The following SMC3 variants were observed in gnomAD, a reference collection of about 807,000 sequenced individuals.
The protein encoded by SMC3 is structural maintenance of chromosomes 3.
In SMC3, 20 loss-of-function variants were observed where a neutral mutation model predicts 171.8. The ratio of observed to expected loss-of-function variants is 0.12; its 90% CI spans 0.08 to 0.17. The LOEUF (loss-of-function observed/expected upper bound fraction) is 0.17, where lower values mean the gene tolerates loss of function less well. Among genes scored for constraint, SMC3 ranks in the 10% least tolerant of loss-of-function variants. The pLI is 1.00. For synonymous variants in SMC3, 464 were observed against 451.1 expected (o/e 1.03, Z -0.36); for missense variants, 543 against 1,420.4 (o/e 0.38, Z 9.93).
Position 110,599,640 on chromosome 10 carries a change from A to G in SMC3, c.2269-14A>G, listed in dbSNP as rs755332346. 1.2e-6 allele frequency: 2 copies of G among 1,611,316 alleles called. No individual in the cohort carries two copies. Among genetic ancestry groups the G allele is most frequent in the South Asian group, 2.2e-5 (2 of 90,872 alleles). On this transcript the variant is annotated splice_polypyrimidine_tract_variant and intron_variant, in intron 20 of 28. Coordinates refer to ENST00000361804, the MANE Select transcript of SMC3 (RefSeq NM_005445.4). Reference sequence around the variant, plus strand: ...TGGCTAATACCTTACTAATAAATGGATAATGTCATATAGCAACGTAGCTTA... The same window carrying G: ...TGGCTAATACCTTACTAATAAATGGGTAATGTCATATAGCAACGTAGCTTA...
At chr10:110,590,358 A>G (rs562695328) in intron 15 of SMC3, 54 bp from the exon 16 acceptor site, 1 of 1,445,660 alleles carries the variant, frequency 6.9e-7, no homozygotes, top group Non-Finnish European at 9.7e-7. Flanking sequence ...ATTCCTTACC[A>G]GGAGTGCCAT....
chr10:110,577,974 T>C (rs1860977973), intron 6 of SMC3, 60 bp downstream of exon 6: 1 of 1,171,170 alleles, frequency 8.5e-7, no homozygotes, highest in Non-Finnish European at 1.3e-6. Context: ...GATGGGGTAT[T>C]GCTGTGTTGG....
chr10:110,572,428 A>G (rs1368889618), intron 2 of SMC3, among the ~76,000 whole-genome samples: 1 of 152,148 alleles, frequency 6.6e-6, no homozygotes, highest in African/African-American at 2.4e-5. Flanking sequence ...ATGCTTCTTT[A>G]GTCTCCTTTA....
chr10:110,592,244 A>T (rs1035799703), intron 17 of SMC3, among the ~76,000 whole-genome samples: 2 of 146,436 alleles, frequency 1.4e-5, no homozygotes, highest in African/African-American at 5.0e-5. Context: ...CATCCTGGCA[A>T]CAGAGCAAGA....
chr10:110,582,516 G>T, intron 9 of SMC3, 46 bp from the exon 10 acceptor site: 1 of 1,313,184 alleles, frequency 7.6e-7, no homozygotes, highest in Non-Finnish European at 1.1e-6. Flanking sequence ...GAAATATTTA[G>T]TAATTACAAA....
At chr10:110,573,093 G>C (rs1043237634) in intron 2 of SMC3, among the ~76,000 whole-genome samples, 41 of 152,082 alleles carry the variant, frequency 2.7e-4, no homozygotes, top group African/African-American at 9.7e-4. Context: ...GATATTTCTG[G>C]CTCAAGAGTG....
intron 9 of SMC3, 112 bp downstream of exon 9, chr10:110,582,210 A>C (rs1276195967): frequency 6.9e-6 from 7 of 1,007,714 alleles, no homozygotes; most frequent in Non-Finnish European, 1.1e-5. Flanking sequence ...ACTTAAAAAA[A>C]ACCTCTCAAT....
At chr10:110,594,357 A>G (rs1480474822) in intron 18 of SMC3, among the ~76,000 whole-genome samples, 1 of 152,020 alleles carries the variant, frequency 6.6e-6, no homozygotes, top group African/African-American at 2.4e-5. Context: ...TATTCAAAAA[A>G]CAAGATAGTA....
chr10:110,597,521 A>G (rs1328647094), intron 19 of SMC3, among the ~76,000 whole-genome samples: 8 of 152,228 alleles, frequency 5.3e-5, no homozygotes, highest in African/African-American at 1.7e-4. Context: ...GCAGATTTAT[A>G]ACTTCTGTGC....
intron 18 of SMC3, 113 bp downstream of exon 18, chr10:110,593,336 C>T (rs1861237373): frequency 1.8e-6 from 2 of 1,094,744 alleles, no homozygotes; most frequent in East Asian, 2.6e-5. Context: ...CTTTGGGAGG[C>T]TGAGGCGGGT....
intron 1 of SMC3, among the ~76,000 whole-genome samples, chr10:110,568,115 G>T (rs1212869119): frequency 6.6e-6 from 1 of 152,024 alleles, no homozygotes; most frequent in South Asian, 2.1e-4. Context: ...GCGGGCCGCT[G>T]GGAGGGACTG....
At chr10:110,568,767 C>CTTTT (rs35132779) in intron 1 of SMC3, among the ~76,000 whole-genome samples, 171 bp from the exon 2 acceptor site, 50 of 143,212 alleles carry the variant, frequency 3.5e-4, no homozygotes, top group African/African-American at 1.2e-3. Flanking sequence ...ATAAAAGTAC[C>CTTTT]TTTTTTTTTT....
rs1055005823 is a variant in SMC3 at position 110,589,726 on chromosome 10, T to C, written c.1409+18T>C. The C allele has an allele frequency of 1.3e-6, 2 of 1,486,356 alleles. No individual in the cohort carries two copies. The highest frequency in any genetic ancestry group is 1.4e-5 in the African/African-American group (1 of 72,240). 92.1% of individuals were successfully genotyped at this position (1,486,356 alleles called of 1,614,324 possible). A position where few individuals can be genotyped will look rare whatever the true frequency, so the allele number is the denominator to read the frequency against. Reference sequence around the variant, plus strand: ...GAAAGAAAGTTAGTATAGACTAAAATGTGCATTAATGTTTTCAGTAATGTT... The same window carrying C: ...GAAAGAAAGTTAGTATAGACTAAAACGTGCATTAATGTTTTCAGTAATGTT... On this transcript the variant is annotated intron_variant, in intron 14 of 28. Coordinates refer to ENST00000361804, the MANE Select transcript of SMC3 (RefSeq NM_005445.4).
rs947085440 is a variant in SMC3, at chr10:110,567,764, C to T, written c.-53C>T. On this transcript the variant is annotated 5_prime_UTR_variant, in exon 1 of 29. Transcript: ENST00000361804. ...TAGGCGCCTCACCTGACCCTGCGGC[C>T]GTGCGGTTGCTGCTCCGGGGCAGGT... The T allele has an allele frequency of 9.3e-6, 15 of 1,611,258 alleles. No homozygotes were observed. In the Admixed American group the frequency reaches 1.5e-4, roughly 16 times the overall value.
intron 13 of SMC3, among the ~76,000 whole-genome samples, chr10:110,585,308 T>TA (rs369785096): frequency 7.0e-6 from 1 of 142,442 alleles, no homozygotes; most frequent in East Asian, 2.0e-4. Flanking sequence ...TTTTTTTTTT[T>TA]AATACGAGTC....
chr10:110,576,767 C>A (rs936754771), intron 4 of SMC3, among the ~76,000 whole-genome samples: 1 of 152,104 alleles, frequency 6.6e-6, no homozygotes, highest in Non-Finnish European at 1.5e-5. Flanking sequence ...TGGTACAGTT[C>A]TTCATTGTAT....
chr10:110,604,398 G>C lies in SMC3; in HGVS notation c.*96G>C. The C allele has an allele frequency of 1.2e-6, 1 of 854,628 alleles. No homozygotes were observed. The highest frequency in any genetic ancestry group is 1.4e-5 in the South Asian group (1 of 73,128). 52.9% of individuals were successfully genotyped at this position (854,628 alleles called of 1,614,324 possible). On this transcript the variant is annotated 3_prime_UTR_variant, in exon 29 of 29. Coordinates refer to ENST00000361804, the MANE Select transcript of SMC3 (RefSeq NM_005445.4). ...TTTAAACCTAAATATTTGGCCAATA[G>C]TTTTCAGACTTAAAGCATCATAGTC... is the stretch of plus-strand genomic sequence containing the variant.
chr10:110,567,944 G>C, intron 1 of SMC3, 113 bp downstream of exon 1: 1 of 1,310,250 alleles, frequency 7.6e-7, no homozygotes, highest in East Asian at 2.4e-5. Context: ...GGCTGGACCA[G>C]GGCTGGGCGG....
intron 12 of SMC3, 22 bp from the exon 13 acceptor site, chr10:110,584,161 C>T (rs1861073366): frequency 3.7e-6 from 6 of 1,604,526 alleles, no homozygotes; most frequent in Admixed American, 3.3e-5. Context: ...CTTTTCATCC[C>T]ATTTGCTTCT....
Sources: allele counts gnomAD v4.1 joint callset (sites outside exome capture counted in the v4.1 genomes callset), GRCh38; gene constraint gnomAD v4.1.1; transcripts MANE v1.5; gene names NCBI Gene and HGNC (gene_info 2026-07-23, HGNC 2026-07-21).